SNTB1: variants seen among roughly 807,000 people sequenced by gnomAD.
SNTB1 encodes the protein beta-1-syntrophin.
A neutral mutation model predicts 48.9 loss-of-function variants in SNTB1; 36 were observed. That is an observed-to-expected ratio of 0.74 (90% CI 0.56 to 0.97). The LOEUF (loss-of-function observed/expected upper bound fraction) is 0.97, where lower values mean the gene tolerates loss of function less well. SNTB1 is among the 50% of genes least tolerant of loss of function. The probability of loss-of-function intolerance (pLI) is 0.00; values close to 1 mark genes in which losing one functional copy is unlikely to be tolerated. For missense variants in SNTB1, 786 were observed against 703.4 expected (o/e 1.12, Z -1.33); for synonymous variants, 299 against 294.6 (o/e 1.01, Z -0.15).
rs138814206 is a variant in SNTB1 at position 120,780,569 on chromosome 8, A to G, written c.571+30704T>C. ...AAGCCATTTACTTTATAGCATTTCC[A>G]GAAAAATCTGAATTGCAGAAATGCC... On this transcript the variant is annotated intron_variant, in intron 1 of 6. Coordinates refer to ENST00000517992, the MANE Select transcript of SNTB1 (RefSeq NM_021021.4). Among the ~76,000 whole-genome samples, 553 of 152,378 alleles carry G rather than the reference A, an allele frequency of 3.6e-3. 2 individuals are homozygous for G. The highest frequency in any genetic ancestry group is 6.5e-3 in the Non-Finnish European group (444 of 68,034).
intron 1 of SNTB1, chr8:120,769,459 G>T (rs555591068): frequency 2.0e-5 from 3 of 152,152 alleles, no homozygotes; most frequent in Non-Finnish European, 4.4e-5. Context: ...TGGCAGAAAT[G>T]ATGTTGCTCC....
intron 3 of SNTB1, among the ~76,000 whole-genome samples, chr8:120,624,129 G>T (rs1816835452): frequency 6.6e-6 from 1 of 152,058 alleles, no homozygotes; most frequent in Non-Finnish European, 1.5e-5. Flanking sequence ...GTAGACATGG[G>T]GTTTCACCAT....
chr8:120,778,609 G>C (rs554831255), intron 1 of SNTB1, among the ~76,000 whole-genome samples: 1 of 152,216 alleles, frequency 6.6e-6, no homozygotes, highest in Non-Finnish European at 1.5e-5. Context: ...ATGACTGAAA[G>C]AAATTAGTGG....
intron 1 of SNTB1, among the ~76,000 whole-genome samples, chr8:120,739,715 T>A (rs745515548): frequency 5.9e-5 from 9 of 152,176 alleles, no homozygotes; most frequent in Non-Finnish European, 1.3e-4. Context: ...ACAAAAAGAT[T>A]CATGTTGGGC....
At chr8:120,735,370 T>C (rs1818925854) in intron 1 of SNTB1, among the ~76,000 whole-genome samples, 3 of 152,092 alleles carry the variant, frequency 2.0e-5, no homozygotes, top group Admixed American at 2.0e-4. Flanking sequence ...TGACAAGATG[T>C]TGTGGGCTGA....
rs139057726 is a variant in SNTB1 at position 120,589,121 on chromosome 8, TTATACAC to T, written c.997-13903_997-13897del. ...AGGAATTGAGACTACACATCTGTAT[TTATACAC>T]CCTCTTTTGAGGACTCTGATGTGCA... On this transcript the variant is annotated intron_variant, in intron 3 of 6. Coordinates refer to ENST00000517992, the MANE Select transcript of SNTB1 (RefSeq NM_021021.4). 4.6e-3 allele frequency among the ~76,000 whole-genome samples: 696 copies of T among 152,300 alleles called. 17 individuals are homozygous for T. Among genetic ancestry groups the T allele is most frequent in the Admixed American group, 0.032 (484 of 15,294 alleles).
At chr8:120,548,729 A>G (rs774940077) in intron 5 of SNTB1, 33 bp downstream of exon 5, 1 of 1,603,624 alleles carries the variant, frequency 6.2e-7, no homozygotes, top group South Asian at 1.1e-5. Context: ...TTCCCGTAAC[A>G]ATGTGTCCTT....
In SNTB1 at chr8:120,538,802, A is replaced by G; in HGVS notation, c.*75T>C. Reference sequence around the variant, plus strand: ...CGCTACATCTGGTGCGCTGCTCACTACAGATGGTGTCTGACATCACGTTCT... The same window carrying G: ...CGCTACATCTGGTGCGCTGCTCACTGCAGATGGTGTCTGACATCACGTTCT... On this transcript the variant is annotated 3_prime_UTR_variant, in exon 7 of 7. Coordinates refer to ENST00000517992, the MANE Select transcript of SNTB1 (RefSeq NM_021021.4). 1 of 1,201,974 alleles carries G rather than the reference A, an allele frequency of 8.3e-7. No homozygotes were observed. The highest frequency in any genetic ancestry group is 1.2e-6 in the Non-Finnish European group (1 of 804,954). 74.5% of individuals were successfully genotyped at this position (1,201,974 alleles called of 1,614,324 possible).
intron 1 of SNTB1, among the ~76,000 whole-genome samples, chr8:120,721,854 A>C (rs1021104135): frequency 1.3e-5 from 2 of 151,502 alleles, no homozygotes; most frequent in Non-Finnish European, 2.9e-5. Flanking sequence ...CGTCATTTAC[A>C]TTAGGTATTT....
In SNTB1 at chr8:120,660,957, A is replaced by G. The variant is rs1422359429; in HGVS notation, c.789-28306T>C. On this transcript the variant is annotated intron_variant, in intron 2 of 6. Coordinates refer to ENST00000517992, the MANE Select transcript of SNTB1 (RefSeq NM_021021.4). Reference sequence around the variant, plus strand: ...AGCCGACAGGATACATACAACATTTATGCATTCAGTTATCTGACTTACATG... The same window carrying G: ...AGCCGACAGGATACATACAACATTTGTGCATTCAGTTATCTGACTTACATG... Among the ~76,000 whole-genome samples the G allele has an allele frequency of 2.0e-5, 3 of 152,206 alleles. No homozygotes were observed. The East Asian group carries it at 5.8e-4, about 29-fold the overall frequency.
At chr8:120,769,667 T>A (rs879674263) in intron 1 of SNTB1, 18 of 152,226 alleles carry the variant, frequency 1.2e-4, no homozygotes, top group Non-Finnish European at 1.8e-4. Context: ...CCTCAACTGA[T>A]CCAGCCATCT....
intron 1 of SNTB1, among the ~76,000 whole-genome samples, chr8:120,802,911 A>G (rs903134448): frequency 6.6e-6 from 1 of 152,134 alleles, no homozygotes; most frequent in African/African-American, 2.4e-5. Context: ...ATTTGCACAC[A>G]GTTAGAAATA....
At chr8:120,647,340 C>A (rs200687107) in intron 2 of SNTB1, among the ~76,000 whole-genome samples, 2 of 147,494 alleles carry the variant, frequency 1.4e-5, no homozygotes, top group African/African-American at 5.0e-5. Context: ...GCTTTGAATG[C>A]GTCCCAGAGA....
At chr8:120,804,527 G>A (rs1256720232) in intron 1 of SNTB1, among the ~76,000 whole-genome samples, 1 of 152,060 alleles carries the variant, frequency 6.6e-6, no homozygotes, top group Non-Finnish European at 1.5e-5. Context: ...GGCCTGATGA[G>A]GTGTTAGATC....
chr8:120,599,745 G>GT (rs1283637215), intron 3 of SNTB1, among the ~76,000 whole-genome samples: 6 of 152,064 alleles, frequency 3.9e-5, no homozygotes, highest in Admixed American at 6.5e-5. Flanking sequence ...GGAAATAACT[G>GT]TTTTTTTAAA....
chr8:120,541,366 C>G (rs1292598104), intron 6 of SNTB1: 1 of 153,504 alleles, frequency 6.5e-6, no homozygotes, highest in African/African-American at 2.4e-5. Context: ...TTTTGCTCTG[C>G]TCCTCATCTG....
chr8:120,784,779 C>T (rs1032372899), intron 1 of SNTB1, among the ~76,000 whole-genome samples: 1 of 152,082 alleles, frequency 6.6e-6, no homozygotes, highest in African/African-American at 2.4e-5. Flanking sequence ...TTCCAAGAAG[C>T]AACACAGGAA....
At chr8:120,543,635 G>A (rs879338697) in intron 5 of SNTB1, among the ~76,000 whole-genome samples, 4 of 152,102 alleles carry the variant, frequency 2.6e-5, no homozygotes, top group Admixed American at 6.6e-5. Context: ...GCACAGAGTC[G>A]CTCAGCTTTC....
chr8:120,678,549 T>C (rs1817878081), intron 2 of SNTB1, among the ~76,000 whole-genome samples: 2 of 152,218 alleles, frequency 1.3e-5, no homozygotes, highest in Admixed American at 1.3e-4. Context: ...CCAGCTCATA[T>C]CACAGTGGCT....
Sources: gnomAD v4.1 joint callset for allele counts (sites outside exome capture counted in the v4.1 genomes callset) on GRCh38, gnomAD v4.1.1 for gene constraint, MANE v1.5 for transcripts, NCBI Gene and HGNC (gene_info 2026-07-23, HGNC 2026-07-21) for gene names.